Variants in HIGD1C observed in about 807,000 individuals in gnomAD.
The protein encoded by HIGD1C is HIG1 domain family member 1C.
In HIGD1C, 11 loss-of-function variants were observed where a neutral mutation model predicts 13.1. The observed-to-expected ratio is 0.84, with a 90% CI of 0.53 to 1.39. The LOEUF (loss-of-function observed/expected upper bound fraction) is 1.39. HIGD1C is among the 40% of genes most tolerant of loss of function. HIGD1C has a pLI of 0.00. For synonymous variants in HIGD1C, 36 were observed against 37.7 expected (o/e 0.95, Z 0.17); for missense variants, 110 against 112.0 (o/e 0.98, Z 0.08).
the HIGD1C span, among the ~76,000 whole-genome samples, chr12:50,932,761 C>A: frequency 2.0e-5 from 3 of 152,188 alleles, no homozygotes; most frequent in African/African-American, 7.2e-5. Context: ...GTCTAACGAT[C>A]CCATTTGTGA....
At chr12:50,963,493 A>T (rs1234076966) in intron 2 of HIGD1C, among the ~76,000 whole-genome samples, 2 of 152,066 alleles carry the variant, frequency 1.3e-5, no homozygotes, top group African/African-American at 4.8e-5. Context: ...GTGGGTTTTC[A>T]GCCATCTCCA....
chr12:50,967,610 T>C (rs1939589596), intron 2 of HIGD1C, among the ~76,000 whole-genome samples: 1 of 152,176 alleles, frequency 6.6e-6, no homozygotes, highest in Non-Finnish European at 1.5e-5. Flanking sequence ...ATTTTGCTAC[T>C]AAATGCCATG....
downstream of HIGD1C, among the ~76,000 whole-genome samples, chr12:50,970,889 TA>T (rs386419790): frequency 1.5e-4 from 23 of 151,806 alleles, no homozygotes; most frequent in South Asian, 4.2e-4. Context: ...TATTTTATTT[TA>T]TTTTTTGAGA....
the HIGD1C span, among the ~76,000 whole-genome samples, chr12:50,934,423 C>T: frequency 6.6e-6 from 1 of 152,186 alleles, no homozygotes; most frequent in Non-Finnish European, 1.5e-5. Flanking sequence ...GTAAATGAAG[C>T]AATGCACTTG....
intron 2 of HIGD1C, among the ~76,000 whole-genome samples, chr12:50,969,176 C>G (rs1487242169): frequency 6.6e-6 from 1 of 151,726 alleles, no homozygotes; most frequent in Middle Eastern, 3.2e-3. Context: ...CACCTATAGT[C>G]CCAGCTACTA....
chr12:50,965,102 T>C (rs538424713), intron 2 of HIGD1C, among the ~76,000 whole-genome samples: 6 of 152,112 alleles, frequency 3.9e-5, no homozygotes, highest in East Asian at 1.9e-4. Context: ...TTTTGTTTTA[T>C]GTTTGTGGGT....
the HIGD1C span, among the ~76,000 whole-genome samples, chr12:50,935,881 G>A: frequency 6.6e-6 from 1 of 152,138 alleles, no homozygotes; most frequent in Non-Finnish European, 1.5e-5. Context: ...GACACTGCCG[G>A]GCACAGTGGC....
In HIGD1C at chr12:50,954,074, TC is replaced by T; in HGVS notation, c.81del (p.Phe28LeufsTer4). ...CCGACTAATCAGGAAATCTAGAGAC[TC>T]CCCCTTTGTCCCTATAGGTAAGTAC... On this transcript the variant is annotated frameshift_variant, in exon 1 of 3. Coordinates refer to ENST00000398455, the Ensembl canonical transcript of HIGD1C. LOFTEE classifies it high-confidence loss of function. 2 of 1,607,546 alleles carry T rather than the reference TC, an allele frequency of 1.2e-6. No homozygotes were observed. Among genetic ancestry groups the T allele is most frequent in the Non-Finnish European group, 1.7e-6 (2 of 1,174,182 alleles).
chr12:50,964,013 TG>T (rs1302588940), intron 2 of HIGD1C, among the ~76,000 whole-genome samples: 1 of 152,248 alleles, frequency 6.6e-6, no homozygotes, highest in African/African-American at 2.4e-5. Flanking sequence ...CATACGTCTT[TG>T]GATGATGATG....
the HIGD1C span, among the ~76,000 whole-genome samples, chr12:50,938,229 T>A: frequency 7.0e-6 from 1 of 142,880 alleles, no homozygotes; most frequent in Admixed American, 6.9e-5. Flanking sequence ...CCCCTCGGTG[T>A]CCAAAGTCTG....
exon 1 of HIGD1C, chr12:50,954,017 T>C: frequency 1.9e-6 from 3 of 1,611,606 alleles, no homozygotes; most frequent in Middle Eastern, 3.3e-4. Context: ...AGATAACCAG[T>C]GGTCAGCAGA....
At chr12:50,953,828 G>T, upstream of HIGD1C, 8 of 506,962 alleles carry the variant, frequency 1.6e-5, no homozygotes, top group South Asian at 3.0e-5. Context: ...GAAAAAATTC[G>T]GTAGTGAAAA....
intron 2 of HIGD1C, among the ~76,000 whole-genome samples, chr12:50,961,328 A>G (rs1939320579): frequency 6.6e-6 from 1 of 152,156 alleles, no homozygotes; most frequent in South Asian, 2.1e-4. Context: ...AACTAGGGCA[A>G]TGGGCTGTTC....
intron 1 of HIGD1C, 116 bp downstream of exon 3, chr12:50,954,208 T>C (rs1424930259): frequency 2.5e-5 from 16 of 635,202 alleles, no homozygotes; most frequent in Non-Finnish European, 3.9e-5. Flanking sequence ...TAATTGAAGC[T>C]AACCTCCTCT....
the HIGD1C span, among the ~76,000 whole-genome samples, chr12:50,938,083 A>G: frequency 6.6e-6 from 1 of 152,006 alleles, no homozygotes; most frequent in East Asian, 1.9e-4. Context: ...TGCCCCTTCC[A>G]GCCTAGGAAA....
chr12:50,936,555 T>C, the HIGD1C span, among the ~76,000 whole-genome samples: 2 of 152,360 alleles, frequency 1.3e-5, no homozygotes, highest in East Asian at 3.9e-4. Context: ...AGTGTTCCCA[T>C]GCAGTTTGCC....
chr12:50,969,256 T>C lies in HIGD1C; in HGVS notation c.230-1186T>C, dbSNP rs767994051. Among the ~76,000 whole-genome samples the C allele has an allele frequency of 4.6e-5, 7 of 152,066 alleles. No homozygotes were observed. The South Asian group carries it at 1.0e-3, about 23-fold the overall frequency. Reference sequence around the variant, plus strand: ...CTGCAGTGAGCCAAGATCACCCCACTGCACTCCAGCCTGGGCAAGACAGAG... The same window carrying C: ...CTGCAGTGAGCCAAGATCACCCCACCGCACTCCAGCCTGGGCAAGACAGAG... On this transcript the variant is annotated intron_variant, in intron 2 of 2. Transcript: ENST00000398455.
chr12:50,958,088 G>A (rs73090652), intron 1 of HIGD1C, among the ~76,000 whole-genome samples: 177 of 151,814 alleles, frequency 1.2e-3, no homozygotes, highest in Non-Finnish European at 2.0e-3. Flanking sequence ...TTACAGGCAT[G>A]AGCTACCATG....
chr12:50,942,865 CTCTTT>C, the HIGD1C span, among the ~76,000 whole-genome samples: 4 of 121,780 alleles, frequency 3.3e-5, no homozygotes, highest in South Asian at 3.5e-4. Context: ...AGTTTCTCTT[CTCTTT>C]TTTTTTTTTT....
Sources: allele counts gnomAD v4.1 joint callset (sites outside exome capture counted in the v4.1 genomes callset), GRCh38; gene constraint gnomAD v4.1.1; transcripts MANE v1.5; gene names NCBI Gene and HGNC (gene_info 2026-07-23, HGNC 2026-07-21).